PRKG1: variants seen among roughly 807,000 people sequenced by gnomAD.
PRKG1 encodes cGMP-dependent protein kinase 1.
A neutral mutation model predicts 88.1 loss-of-function variants in PRKG1; 35 were observed. The ratio of observed to expected loss-of-function variants is 0.40; its 90% CI spans 0.30 to 0.53. The LOEUF (loss-of-function observed/expected upper bound fraction) is 0.53, where lower values mean the gene tolerates loss of function less well. Among genes scored for constraint, PRKG1 ranks in the 20% least tolerant of loss-of-function variants. PRKG1 has a pLI of 0.59. For missense variants in PRKG1, 540 were observed against 839.8 expected (o/e 0.64, Z 4.41); for synonymous variants, 303 against 292.5 (o/e 1.04, Z -0.37).
intron 7 of PRKG1, among the ~76,000 whole-genome samples, chr10:52,105,212 G>T (rs546496413): frequency 6.6e-6 from 1 of 151,894 alleles, no homozygotes; most frequent in East Asian, 1.9e-4. Context: ...ATTACCAATT[G>T]GAAGAAACAC....
chr10:51,337,651 G>C (rs2132541646), intron 2 of PRKG1, among the ~76,000 whole-genome samples: 1 of 152,268 alleles, frequency 6.6e-6, no homozygotes. Flanking sequence ...ATGAAAAAAA[G>C]CTCAACATTA....
intron 3 of PRKG1, among the ~76,000 whole-genome samples, chr10:51,625,188 A>T (rs528007236): frequency 1.8e-4 from 27 of 152,286 alleles, no homozygotes; most frequent in Admixed American, 1.5e-3. Context: ...AATTATAAAT[A>T]AAAAATAGGC....
chr10:51,271,884 G>C (rs905028540), intron 2 of PRKG1, among the ~76,000 whole-genome samples: 9 of 152,304 alleles, frequency 5.9e-5, no homozygotes, highest in African/African-American at 2.2e-4. Context: ...ACATACATGT[G>C]CATGTGTCTT....
chr10:51,374,093 A>AAAAAAAAAAATATATAT, intron 2 of PRKG1, among the ~76,000 whole-genome samples: 1 of 100,144 alleles, frequency 1.0e-5, no homozygotes, highest in African/African-American at 3.4e-5. Flanking sequence ...AAAAAAAAAA[A>AAAAAAAAAAATATATAT]ATATATATAT....
intron 2 of PRKG1, among the ~76,000 whole-genome samples, chr10:51,217,935 C>T (rs910838339): frequency 9.9e-5 from 15 of 152,086 alleles, no homozygotes; most frequent in African/African-American, 3.6e-4. Context: ...CAGTTCCCTC[C>T]TTCATCTGAA....
intron 5 of PRKG1, among the ~76,000 whole-genome samples, chr10:51,917,091 G>C (rs112529677): frequency 0.041 from 6,263 of 152,172 alleles, 448 homozygotes; most frequent in African/African-American, 0.14. Context: ...GCTGAGGCAG[G>C]CGGATCACCT....
intron 2 of PRKG1, among the ~76,000 whole-genome samples, chr10:51,348,863 T>TTTCTGAG (rs1171599446): frequency 6.6e-6 from 1 of 152,124 alleles, no homozygotes; most frequent in Non-Finnish European, 1.5e-5. Context: ...TGTGTAGGGG[T>TTTCTGAG]TTCTGAGTTC....
At chr10:52,117,095 A>T (rs1300427692) in intron 7 of PRKG1, among the ~76,000 whole-genome samples, 2 of 151,830 alleles carry the variant, frequency 1.3e-5, no homozygotes, top group African/African-American at 4.8e-5. Context: ...GAATATTAGA[A>T]AGAGAATCTC....
intron 3 of PRKG1, among the ~76,000 whole-genome samples, chr10:51,665,158 A>G (rs886413259): frequency 3.9e-5 from 6 of 152,310 alleles, no homozygotes; most frequent in African/African-American, 1.4e-4. Context: ...GGGCATAAAT[A>G]ATTTGTATCA....
chr10:51,688,565 CTTT>C lies in PRKG1; in HGVS notation c.593-116002_593-116000del, dbSNP rs35034840. On this transcript the variant is annotated intron_variant, in intron 3 of 17. Coordinates refer to ENST00000373980, the MANE Select transcript of PRKG1 (RefSeq NM_006258.4). ...TTGTCTAAAATTGCCAGTAACAATC[CTTT>C]TTTTTTTTTTTTTTTTTAGTGAAAC... Among the ~76,000 whole-genome samples, 479 of 123,690 alleles carry C rather than the reference CTTT, an allele frequency of 3.9e-3. 2 individuals carry two copies. Among genetic ancestry groups the C allele is most frequent in the African/African-American group, 0.013 (429 of 33,202 alleles). 81.1% of individuals were successfully genotyped at this position (123,690 alleles called of 152,430 possible). A position where few individuals can be genotyped will look rare whatever the true frequency, so the allele number is the denominator to read the frequency against.
At chr10:52,238,393 A>G (rs1361989476) in intron 9 of PRKG1, among the ~76,000 whole-genome samples, 5 of 147,502 alleles carry the variant, frequency 3.4e-5, no homozygotes, top group Admixed American at 1.4e-4. Flanking sequence ...AACCTACAAA[A>G]TGGGAGAAAA....
chr10:51,695,058 A>T (rs1589208224), intron 3 of PRKG1, among the ~76,000 whole-genome samples: 1 of 152,112 alleles, frequency 6.6e-6, no homozygotes, highest in East Asian at 1.9e-4. Flanking sequence ...TTTTCCCCCT[A>T]ATAACTCTAA....
chr10:51,099,384 GAC>G lies in PRKG1; in HGVS notation c.311+24510_311+24511del, dbSNP rs71459403. On this transcript the variant is annotated intron_variant, in intron 1 of 17. Coordinates refer to ENST00000373980, the MANE Select transcript of PRKG1 (RefSeq NM_006258.4). ...TTTTTCCTTAGATACCAGCATTCAA[GAC>G]ACACACACACACACACACACACACA... 2.5e-3 allele frequency among the ~76,000 whole-genome samples: 369 copies of G among 148,888 alleles called. 3 individuals carry two copies. Among genetic ancestry groups the G allele is most frequent in the African/African-American group, 3.7e-3 (150 of 40,426 alleles).
rs113818649 is a variant in PRKG1, at chr10:51,419,800, A to G, written c.479-47923A>G. Among the ~76,000 whole-genome samples, 459 of 151,498 alleles carry G rather than the reference A, an allele frequency of 3.0e-3. 1 individual carries two copies. The highest frequency in any genetic ancestry group is 0.011 in the African/African-American group (445 of 40,940). ...CGAGTTCTTGTTCAGAGAGAGAGCC[A>G]ATAATTTTTTTTTTTTTTTTGGTGA... is the stretch of plus-strand genomic sequence containing the variant. On this transcript the variant is annotated intron_variant, in intron 2 of 17. Coordinates refer to ENST00000373980, the MANE Select transcript of PRKG1 (RefSeq NM_006258.4).
intron 2 of PRKG1, among the ~76,000 whole-genome samples, chr10:51,413,067 C>T (rs1022881625): frequency 5.3e-5 from 8 of 152,176 alleles, no homozygotes; most frequent in Non-Finnish European, 1.0e-4. Flanking sequence ...CAGATCACAG[C>T]AAATCTAGAC....
At chr10:52,069,463 A>G (rs1846439135) in intron 7 of PRKG1, among the ~76,000 whole-genome samples, 1 of 152,176 alleles carries the variant, frequency 6.6e-6, no homozygotes. Flanking sequence ...CCCAGGAGGT[A>G]GAGGTTGCAG....
rs138517186 is a variant in PRKG1, at chr10:51,502,871, T to A, written c.592+35035T>A. Among the ~76,000 whole-genome samples, 27 of 152,292 alleles carry A rather than the reference T, an allele frequency of 1.8e-4. 1 individual carries two copies. The East Asian group carries it at 5.0e-3, about 28-fold the overall frequency. ...AATGCCAGGTTTGCTGATTATCAGATCCTGATGCTTGGCTTATAAATCAGC... is the reference window on the plus strand; with the variant it reads ...AATGCCAGGTTTGCTGATTATCAGAACCTGATGCTTGGCTTATAAATCAGC... On this transcript the variant is annotated intron_variant, in intron 3 of 17. Transcript: ENST00000373980.
chr10:52,192,751 A>G (rs187218927), intron 9 of PRKG1, among the ~76,000 whole-genome samples: 1 of 152,192 alleles, frequency 6.6e-6, no homozygotes, highest in East Asian at 1.9e-4. Flanking sequence ...AAAAGAAAAA[A>G]AATATATATT....
chr10:52,157,087 T>C (rs934533037), intron 8 of PRKG1, among the ~76,000 whole-genome samples: 1 of 151,236 alleles, frequency 6.6e-6, no homozygotes, highest in Non-Finnish European at 1.5e-5. Flanking sequence ...TATGAGACTT[T>C]CTCCCACCCT....
Sources: allele counts gnomAD v4.1 joint callset (sites outside exome capture counted in the v4.1 genomes callset), GRCh38; gene constraint gnomAD v4.1.1; transcripts MANE v1.5; gene names NCBI Gene and HGNC (gene_info 2026-07-23, HGNC 2026-07-21).